GPR161: variants seen among roughly 807,000 people sequenced by gnomAD.
GPR161 encodes G protein-coupled receptor 161.
A neutral mutation model predicts 39.2 loss-of-function variants in GPR161; 25 were observed. The observed-to-expected ratio is 0.64, with a 90% CI of 0.47 to 0.89. The LOEUF is 0.89. Among genes scored for constraint, GPR161 ranks in the 40% least tolerant of loss-of-function variants. The pLI, the probability that GPR161 is intolerant of heterozygous loss-of-function variation, is 0.00. For missense variants in GPR161, 547 were observed against 677.8 expected, an observed-to-expected ratio of 0.81 and a Z score of 2.14; for synonymous variants, 286 against 276.6, an observed-to-expected ratio of 1.03 and a Z score of -0.34.
chr1:168,110,047 A>G (rs1273465253), intron 1 of GPR161, among the ~76,000 whole-genome samples: 1 of 152,250 alleles, frequency 6.6e-6, no homozygotes, highest in Non-Finnish European at 1.5e-5. Flanking sequence ...TGTAAAAATT[A>G]ATGCTGACAG....
intron 1 of GPR161, among the ~76,000 whole-genome samples, chr1:168,114,835 T>C (rs1697492758): frequency 6.6e-6 from 1 of 152,226 alleles, no homozygotes; most frequent in African/African-American, 2.4e-5. Context: ...ACCCTTCATT[T>C]ATTTCTGGCC....
rs1366411172 is a variant in GPR161 at position 168,136,833 on chromosome 1, C to T, written c.-139G>A. ...CGCTTCCTTCCTCCCCGCCGCGCTCCGGGACTGGAGGTTTCGGGTTTCAGC... is the reference window on the plus strand; with the variant it reads ...CGCTTCCTTCCTCCCCGCCGCGCTCTGGGACTGGAGGTTTCGGGTTTCAGC... On this transcript the variant is annotated 5_prime_UTR_variant, in exon 1 of 6. Coordinates refer to ENST00000682931, the MANE Select transcript of GPR161 (RefSeq NM_001375883.1). 1.9e-5 allele frequency: 19 copies of T among 984,672 alleles called. No homozygotes were observed. Among genetic ancestry groups the T allele is most frequent in the Non-Finnish European group, 2.2e-5 (18 of 829,856 alleles). The allele number at this position is 984,672 out of a possible 1,614,324, so 61.0% of individuals were successfully genotyped here.
chr1:168,104,367 C>T (rs895232853), intron 2 of GPR161, 110 bp downstream of exon 2: 1 of 855,538 alleles, frequency 1.2e-6, no homozygotes, highest in East Asian at 2.6e-5. Context: ...CATCCTCCCC[C>T]AGCAAGGGCC....
At chr1:168,087,334 G>GGTGTGT (rs142900649) in intron 5 of GPR161, among the ~76,000 whole-genome samples, 48 of 148,770 alleles carry the variant, frequency 3.2e-4, no homozygotes, top group East Asian at 1.4e-3. Flanking sequence ...AACACGTGTG[G>GGTGTGT]GTGTGTGTGT....
chr1:168,117,410 G>A (rs2102218869), intron 1 of GPR161, among the ~76,000 whole-genome samples: 1 of 152,228 alleles, frequency 6.6e-6, no homozygotes, highest in South Asian at 2.1e-4. Flanking sequence ...TGACATAATG[G>A]TTAAGAGCAT....
chr1:168,085,100 A>T lies in GPR161; in HGVS notation c.*431T>A. 1 of 458,740 alleles carries T rather than the reference A, an allele frequency of 2.2e-6. No homozygotes were observed. Among genetic ancestry groups the T allele is most frequent in the Non-Finnish European group, 4.4e-6 (1 of 228,932 alleles). 28.4% of individuals were successfully genotyped at this position (458,740 alleles called of 1,614,324 possible). A position where few individuals can be genotyped will look rare whatever the true frequency, so the allele number is the denominator to read the frequency against. ...TGTCATCCTTCACAGTACACTGGGG[A>T]GGGTTCTCCTCCTGAGGCATCTGGC... On this transcript the variant is annotated 3_prime_UTR_variant, in exon 6 of 6. Coordinates refer to ENST00000682931, the MANE Select transcript of GPR161 (RefSeq NM_001375883.1).
chr1:168,086,917 A>C (rs191081986), intron 5 of GPR161, among the ~76,000 whole-genome samples: 289 of 152,250 alleles, frequency 1.9e-3, no homozygotes, highest in Middle Eastern at 3.4e-3. Context: ...TCCATATTCA[A>C]CATTTCTGAA....
intron 5 of GPR161, among the ~76,000 whole-genome samples, chr1:168,087,334 G>GGT (rs142900649): frequency 0.05 from 7,371 of 148,736 alleles, 372 homozygotes; most frequent in African/African-American, 0.14. Context: ...AACACGTGTG[G>GGT]GTGTGTGTGT....
intron 1 of GPR161, among the ~76,000 whole-genome samples, chr1:168,125,515 A>G (rs1308517939): frequency 1.3e-5 from 2 of 152,116 alleles, no homozygotes; most frequent in African/African-American, 2.4e-5. Flanking sequence ...CAAAAGGCCA[A>G]CTCCAGAAAA....
At chr1:168,134,809 C>T (rs1340145617) in intron 1 of GPR161, 1 of 1,096,088 alleles carries the variant, frequency 9.1e-7, no homozygotes, top group African/African-American at 1.5e-5. Context: ...CTTAGCAGCA[C>T]ACAGCTCCCA....
chr1:168,104,057 G>A (rs1179501250), intron 2 of GPR161, among the ~76,000 whole-genome samples: 6 of 152,118 alleles, frequency 3.9e-5, no homozygotes, highest in African/African-American at 1.4e-4. Flanking sequence ...CTGGACTGTG[G>A]GCAGTGAGGG....
intron 2 of GPR161, among the ~76,000 whole-genome samples, 187 bp downstream of exon 2, chr1:168,104,290 C>T (rs1313516703): frequency 6.6e-6 from 1 of 152,174 alleles, no homozygotes; most frequent in African/African-American, 2.4e-5. Flanking sequence ...TTGTATGTAA[C>T]ATCCACAGAC....
intron 4 of GPR161, 74 bp from the exon 5 acceptor site, chr1:168,087,778 C>T: frequency 5.0e-6 from 7 of 1,405,596 alleles, no homozygotes; most frequent in Non-Finnish European, 6.8e-6. Flanking sequence ...CCTCTCAACA[C>T]CCCTTCCACC....
intron 3 of GPR161, 38 bp downstream of exon 3, chr1:168,096,470 C>T: frequency 6.3e-7 from 1 of 1,583,124 alleles, no homozygotes; most frequent in East Asian, 2.2e-5. Context: ...CAGATTTCAT[C>T]TGCCTCGGAG....
chr1:168,135,294 T>G (rs1359548624), intron 1 of GPR161, among the ~76,000 whole-genome samples: 3 of 152,226 alleles, frequency 2.0e-5, no homozygotes, highest in Non-Finnish European at 4.4e-5. Context: ...CTCCTGAGCC[T>G]CAGTTTCCTC....
In GPR161 at chr1:168,081,562, A is replaced by G. The variant is rs1694076987; in HGVS notation, c.*3969T>C. ...CACCCTGTGACGGAGGACTCCCTCA[A>G]TCCTGTGTGTCTCCACATTGAAACA... is the stretch of plus-strand genomic sequence containing the variant. On this transcript the variant is annotated 3_prime_UTR_variant, in exon 6 of 6. Transcript: ENST00000682931. The G allele has an allele frequency of 6.6e-6, 1 of 152,244 alleles. No individual in the cohort carries two copies. Among genetic ancestry groups the G allele is most frequent in the Non-Finnish European group, 1.5e-5 (1 of 68,050 alleles). 9.4% of individuals were successfully genotyped at this position (152,244 alleles called of 1,614,324 possible).
intron 3 of GPR161, 32 bp from the exon 4 acceptor site, chr1:168,090,700 T>C (rs749970542): frequency 1.1e-5 from 15 of 1,306,842 alleles, no homozygotes; most frequent in Non-Finnish European, 1.6e-5. Context: ...GACAACACAA[T>C]CACACTCTGC....
chr1:168,106,894 G>T (rs1696669990), intron 1 of GPR161, among the ~76,000 whole-genome samples: 1 of 152,168 alleles, frequency 6.6e-6, no homozygotes, highest in Non-Finnish European at 1.5e-5. Flanking sequence ...CTGTGTCTTT[G>T]TAAGGTTGTT....
intron 1 of GPR161, among the ~76,000 whole-genome samples, chr1:168,116,228 G>A (rs776057540): frequency 6.6e-6 from 1 of 152,060 alleles, no homozygotes; most frequent in Admixed American, 6.6e-5. Flanking sequence ...CAATTCTTAC[G>A]AAGAGCTGAC....
Sources: allele counts gnomAD v4.1 joint callset (sites outside exome capture counted in the v4.1 genomes callset), GRCh38; gene constraint gnomAD v4.1.1; transcripts MANE v1.5; gene names NCBI Gene and HGNC (gene_info 2026-07-23, HGNC 2026-07-21).